Variants in INSR observed in about 807,000 individuals in gnomAD.
INSR encodes IR.
INSR carries 67 observed loss-of-function variants against 142.6 expected under a neutral mutation model. The ratio of observed to expected loss-of-function variants is 0.47; its 90% CI spans 0.39 to 0.58. The LOEUF is 0.58. Among genes scored for constraint, INSR ranks in the 20% least tolerant of loss-of-function variants. The pLI is 0.00. For missense variants in INSR, 1,248 were observed against 1,833.2 expected, an observed-to-expected ratio of 0.68 and a Z score of 5.83; for synonymous variants, 756 against 743.1, an observed-to-expected ratio of 1.02 and a Z score of -0.28.
At chr19:7,268,947 G>A (rs1280377000) in intron 1 of INSR, among the ~76,000 whole-genome samples, 3 of 151,700 alleles carry the variant, frequency 2.0e-5, no homozygotes, top group African/African-American at 7.3e-5. Flanking sequence ...CTATTTGCGT[G>A]TTTCTCCTCC....
rs752159299 is a variant in INSR at position 7,117,449 on chromosome 19, G to T, written c.3795-39C>A. On this transcript the variant is annotated intron_variant, in intron 21 of 21. Transcript: ENST00000302850. ...GGACACGTCCTGGGTGAGTCTGGGG[G>T]CCCTGCCACGCATCCTCCCAAACCC... The T allele has an allele frequency of 4.0e-6, 6 of 1,488,358 alleles. No individual in the cohort carries two copies. The East Asian group carries it at 6.8e-5, about 17-fold the overall frequency. The allele number at this position is 1,488,358 out of a possible 1,614,324, so 92.2% of individuals were successfully genotyped here. A position where few individuals can be genotyped will look rare whatever the true frequency, so the allele number is the denominator to read the frequency against.
Position 7,184,583 on chromosome 19 carries a change from T to C in INSR, c.707A>G (p.His236Arg), listed in dbSNP as rs121913145. Residue 236 changes from histidine to arginine, a missense_variant, in exon 3 of 22, where the codon CAC (histidine) becomes CGC (arginine). His to Arg is a conservative substitution (Grantham distance 29). This residue lies in a region of INSR where 1,069 missense variants were observed against 1,654.0 expected (regional missense o/e 0.65). Transcript: ENST00000302850. ...AGAACAGTTGCCCAGGCACTCGCTGTGGCAACAGAGGCCTTCGGCGGTGCA... is the reference window on the plus strand; with the variant it reads ...AGAACAGTTGCCCAGGCACTCGCTGCGGCAACAGAGGCCTTCGGCGGTGCA... ...HGCTAEGLCC[H>R]SECLGNCSQP... The C allele has an allele frequency of 2.1e-5, 34 of 1,613,246 alleles. No homozygotes were observed. Among genetic ancestry groups the C allele is most frequent in the Non-Finnish European group, 2.4e-5 (28 of 1,179,974 alleles).
chr19:7,197,536 T>TGTGTGA lies in INSR; in HGVS notation c.653-12900_653-12899insTCACAC, dbSNP rs1974792916. Among the ~76,000 whole-genome samples, 2 of 142,954 alleles carry TGTGTGA rather than the reference T, an allele frequency of 1.4e-5. 1 individual carries two copies. Among genetic ancestry groups the TGTGTGA allele is most frequent in the Non-Finnish European group, 3.1e-5 (2 of 65,556 alleles). 93.8% of individuals were successfully genotyped at this position (142,954 alleles called of 152,430 possible). On this transcript the variant is annotated intron_variant, in intron 2 of 21. Coordinates refer to ENST00000302850, the MANE Select transcript of INSR (RefSeq NM_000208.4). ...GTGGGGGTGTGTGTGTGTGTGTGTG[T>TGTGTGA]GTGTGTGTGTCAGGTTCCAGAGTGG...
intron 9 of INSR, among the ~76,000 whole-genome samples, chr19:7,158,835 G>T (rs536376605): frequency 3.3e-5 from 5 of 152,108 alleles, no homozygotes; most frequent in Admixed American, 2.0e-4. Flanking sequence ...TTATTTATTT[G>T]TGTGTGTGTG....
chr19:7,131,687 CTTT>C (rs371571877), intron 14 of INSR, among the ~76,000 whole-genome samples: 5 of 122,004 alleles, frequency 4.1e-5, no homozygotes, highest in Non-Finnish European at 8.2e-5. Context: ...ACCTCTGAAA[CTTT>C]TTTTTTTTTT....
At chr19:7,210,996 C>T (rs954550133) in intron 2 of INSR, among the ~76,000 whole-genome samples, 1 of 152,160 alleles carries the variant, frequency 6.6e-6, no homozygotes, top group Non-Finnish European at 1.5e-5. Flanking sequence ...ACTGGGATTA[C>T]AGGTGTTGAT....
In INSR at chr19:7,228,980, A is replaced by AGGATGGATGGATGGATGGAT. The variant is rs59628521; in HGVS notation, c.652+38345_652+38364dup. Among the ~76,000 whole-genome samples the AGGATGGATGGATGGATGGAT allele has an allele frequency of 1.9e-3, 261 of 137,852 alleles. 1 individual carries two copies. Among genetic ancestry groups the AGGATGGATGGATGGATGGAT allele is most frequent in the African/African-American group, 6.2e-3 (235 of 37,612 alleles). 90.4% of individuals were successfully genotyped at this position (137,852 alleles called of 152,430 possible). On this transcript the variant is annotated intron_variant, in intron 2 of 21. Transcript: ENST00000302850. ...GTGGATTGTTGGCAGAGTAGACAGAAGGATGGATGGATGGATGGATGGATG... is the reference window on the plus strand; with the variant it reads ...GTGGATTGTTGGCAGAGTAGACAGAAGGATGGATGGATGGATGGATGGATGGATGGATGGATGGATGGATG...
chr19:7,143,084 A>G lies in INSR; in HGVS notation c.2274T>C (p.Ser758=), dbSNP rs568595172. 2.5e-6 allele frequency: 4 copies of G among 1,614,176 alleles called. No homozygotes were observed. In the East Asian group the frequency reaches 8.9e-5, roughly 36 times the overall value. ...CATCGCCAAGGGACCTGCGTTTCCG[A>G]GATGGCCTGGAACGACAGTAGGACA... ...SGTGAEDPRP[S]RKRRSLGDVG... is the part of the protein sequence containing the mutation. The change falls in exon 12 of 22, where the codon TCT becomes TCC. Residue 758 remains serine, a synonymous_variant. Transcript: ENST00000302850.
Position 7,267,403 on chromosome 19 carries a change from G to A in INSR, c.594C>T (p.Ala198=). 6.2e-7 allele frequency: 1 copy of A among 1,614,192 alleles called. No homozygotes were observed. The highest frequency in any genetic ancestry group is 2.2e-5 in the East Asian group (1 of 44,886). The part of the protein sequence containing the change: ...GTAKGKTNCP[A]TVINGQFVER... The stretch of plus-strand genomic sequence containing the variant: ...CGACAAACTGCCCGTTGATGACGGT[G>A]GCGGGGCAGTTGGTCTTGCCCTTCG... Residue 198 remains alanine (A), a synonymous_variant, in exon 2 of 22, where the codon GCC becomes GCT. Transcript: ENST00000302850. The surrounding 1 kb of genome is among the most constrained non-coding windows in gnomAD (Gnocchi z 6.3).
At chr19:7,284,746 T>G (rs1458620557) in intron 1 of INSR, among the ~76,000 whole-genome samples, 1 of 152,092 alleles carries the variant, frequency 6.6e-6, no homozygotes, top group Non-Finnish European at 1.5e-5. Flanking sequence ...GCCAGGATGG[T>G]CTCGATCTCC....
intron 2 of INSR, among the ~76,000 whole-genome samples, chr19:7,208,680 G>A (rs1049615006): frequency 6.6e-6 from 1 of 152,100 alleles, no homozygotes; most frequent in Non-Finnish European, 1.5e-5. Context: ...GACCAGCTTA[G>A]ATAACATGGC....
chr19:7,223,785 G>A (rs1975692878), intron 2 of INSR, among the ~76,000 whole-genome samples: 1 of 152,064 alleles, frequency 6.6e-6, no homozygotes, highest in Non-Finnish European at 1.5e-5. Context: ...ATGTGCCTGG[G>A]AGACAATACA....
At chr19:7,185,554 C>A (rs567447420) in intron 2 of INSR, among the ~76,000 whole-genome samples, 16 of 152,156 alleles carry the variant, frequency 1.1e-4, no homozygotes, top group African/African-American at 3.9e-4. Context: ...CTTAAACATG[C>A]AAATGTGGCT....
intron 3 of INSR, 116 bp downstream of exon 3, chr19:7,184,200 C>G (rs778473854): frequency 5.6e-6 from 5 of 899,974 alleles, no homozygotes; most frequent in Non-Finnish European, 8.8e-6. Flanking sequence ...GCAGAGACCT[C>G]ACTCATAGCC....
At chr19:7,120,083 A>G (rs1157953052) in intron 20 of INSR, among the ~76,000 whole-genome samples, 2 of 152,194 alleles carry the variant, frequency 1.3e-5, no homozygotes, top group African/African-American at 2.4e-5. Context: ...TTCCCATTCT[A>G]TTCAGAGTCC....
At chr19:7,132,432 C>CA (rs1972809275) in intron 13 of INSR, 115 bp from the exon 14 acceptor site, 1 of 1,154,826 alleles carries the variant, frequency 8.7e-7, no homozygotes, top group East Asian at 2.6e-5. Flanking sequence ...GCCAAGGCAG[C>CA]AAAGCACAGA....
chr19:7,230,843 C>T (rs1175587290), intron 2 of INSR, among the ~76,000 whole-genome samples: 2 of 151,982 alleles, frequency 1.3e-5, no homozygotes, highest in Non-Finnish European at 2.9e-5. Flanking sequence ...AGCTCAAGGC[C>T]TCCTCTAGGA....
rs1404691785 is a variant in INSR at position 7,192,862 on chromosome 19, G to A, written c.653-8225C>T. On this transcript the variant is annotated intron_variant, in intron 2 of 21. Transcript: ENST00000302850. The surrounding 1 kb of genome is among the most constrained non-coding windows in gnomAD (Gnocchi z 4.2). ...CATCTTCCTGAAACTTTCAGCTGCG[G>A]TGGCTTTTTCACTATACACTGCTGA... Among the ~76,000 whole-genome samples the A allele has an allele frequency of 2.0e-5, 3 of 152,274 alleles. No individual in the cohort carries two copies. Among genetic ancestry groups the A allele is most frequent in the South Asian group, 2.1e-4 (1 of 4,826 alleles).
chr19:7,275,470 A>G (rs1254941621), intron 1 of INSR, among the ~76,000 whole-genome samples: 7 of 152,082 alleles, frequency 4.6e-5, no homozygotes, highest in Admixed American at 2.6e-4. Context: ...TGACATTTCA[A>G]TGAATTAAAG....
Sources: gnomAD v4.1 joint callset for allele counts (sites outside exome capture counted in the v4.1 genomes callset) on GRCh38, gnomAD v4.1.1 for gene constraint, gnomAD v4.1.1 regional missense constraint, Gnocchi (gnomAD v3.1) non-coding constraint, MANE v1.5 for transcripts, NCBI Gene and HGNC (gene_info 2026-07-23, HGNC 2026-07-21) for gene names.